Variants in MCC observed in about 807,000 individuals in gnomAD.
MCC encodes colorectal mutant cancer protein.
In MCC, 90 loss-of-function variants were observed where a neutral mutation model predicts 116.2. The observed-to-expected ratio is 0.77, with a 90% CI of 0.65 to 0.92. MCC has a LOEUF of 0.92. MCC is among the 40% of genes least tolerant of loss of function. The pLI, the probability that MCC is intolerant of heterozygous loss-of-function variation, is 0.00. For missense variants in MCC, 1,516 were observed against 1,312.2 expected (o/e 1.16, Z -2.40); for synonymous variants, 578 against 510.5 (o/e 1.13, Z -1.78).
chr5:113,204,800 T>G (rs925410800), intron 3 of MCC, among the ~76,000 whole-genome samples: 2 of 152,248 alleles, frequency 1.3e-5, no homozygotes, highest in East Asian at 1.9e-4. Context: ...ATTTGTCAGA[T>G]AGCAGACCTC....
rs191507838 is a variant in MCC, at chr5:113,319,925, A to G, written c.627+20594T>C. ...AACCCCAATGGCCATATGAGGCCCC[A>G]AAGTTATTTCTTAGCATAATTTTAT... On this transcript the variant is annotated intron_variant, in intron 3 of 18. Coordinates refer to ENST00000408903, the MANE Select transcript of MCC (RefSeq NM_001085377.2). 1.9e-3 allele frequency among the ~76,000 whole-genome samples: 287 copies of G among 152,308 alleles called. 4 individuals carry two copies. Among genetic ancestry groups the G allele is most frequent in the Non-Finnish European group, 2.7e-3 (181 of 68,032 alleles).
chr5:113,408,491 A>G (rs712685), intron 1 of MCC, among the ~76,000 whole-genome samples: 4,524 of 152,284 alleles, frequency 0.03, 99 homozygotes, highest in Middle Eastern at 0.051. Flanking sequence ...TTTACCTGAC[A>G]ATGAATTATC....
intron 3 of MCC, among the ~76,000 whole-genome samples, chr5:113,279,034 G>A (rs1446522254): frequency 1.3e-5 from 2 of 152,116 alleles, no homozygotes; most frequent in Admixed American, 1.3e-4. Context: ...GAATATAAAG[G>A]GAAAAGCCCA....
chr5:113,088,580 G>A (rs1250831685), intron 8 of MCC, among the ~76,000 whole-genome samples: 1 of 151,822 alleles, frequency 6.6e-6, no homozygotes, highest in Admixed American at 6.6e-5. Flanking sequence ...GAAAAGGAAG[G>A]GATATTTAAG....
At chr5:113,115,778 T>C (rs1757359631) in intron 6 of MCC, among the ~76,000 whole-genome samples, 1 of 152,298 alleles carries the variant, frequency 6.6e-6, no homozygotes, top group Non-Finnish European at 1.5e-5. Flanking sequence ...ATTTGACTAT[T>C]GATCACCTGA....
intron 3 of MCC, among the ~76,000 whole-genome samples, chr5:113,277,414 A>G (rs1183145667): frequency 2.6e-5 from 4 of 152,044 alleles, no homozygotes; most frequent in Admixed American, 1.3e-4. Flanking sequence ...GTAAAATACA[A>G]AATTTTTTGT....
intron 1 of MCC, among the ~76,000 whole-genome samples, chr5:113,476,637 T>A (rs892615350): frequency 6.6e-6 from 1 of 152,170 alleles, no homozygotes; most frequent in East Asian, 1.9e-4. Flanking sequence ...ACAAAGACTT[T>A]TTAGCGACAA....
intron 8 of MCC, among the ~76,000 whole-genome samples, chr5:113,099,049 C>T (rs3890776): frequency 0.46 from 69,861 of 151,684 alleles, 17,598 homozygotes; most frequent in African/African-American, 0.68. Context: ...GGGTGAGTGA[C>T]GGCTGGAAGA....
At chr5:113,310,505 T>C (rs1441847229) in intron 3 of MCC, among the ~76,000 whole-genome samples, 4 of 152,254 alleles carry the variant, frequency 2.6e-5, no homozygotes, top group African/African-American at 9.6e-5. Flanking sequence ...ATAAAGCCTA[T>C]GACATATGAG....
chr5:113,046,202 T>G (rs1054048094), intron 16 of MCC, among the ~76,000 whole-genome samples: 8 of 152,034 alleles, frequency 5.3e-5, no homozygotes, highest in African/African-American at 1.9e-4. Flanking sequence ...TTTCTTACTT[T>G]TTTTTTTTGA....
chr5:113,374,275 T>C (rs1327470154), intron 2 of MCC, among the ~76,000 whole-genome samples: 1 of 151,972 alleles, frequency 6.6e-6, no homozygotes, highest in Admixed American at 6.6e-5. Context: ...GTCTTTGCTA[T>C]GATCTTAACA....
chr5:113,098,435 C>T (rs116552158), intron 8 of MCC, among the ~76,000 whole-genome samples: 124 of 152,302 alleles, frequency 8.1e-4, no homozygotes, highest in Admixed American at 1.4e-3. Context: ...TGACCAATCA[C>T]GTTTGTGAAA....
intron 2 of MCC, among the ~76,000 whole-genome samples, chr5:113,370,139 T>C (rs1373881015): frequency 1.3e-5 from 2 of 152,154 alleles, no homozygotes; most frequent in Non-Finnish European, 2.9e-5. Flanking sequence ...AAACCTCTTA[T>C]TCTACACAGT....
chr5:113,179,477 A>G (rs1761502709), intron 3 of MCC, among the ~76,000 whole-genome samples: 1 of 152,204 alleles, frequency 6.6e-6, no homozygotes, highest in Non-Finnish European at 1.5e-5. Flanking sequence ...GGGAATGCAA[A>G]GGAAATTCTT....
At chr5:113,350,144 T>A (rs964669701) in intron 2 of MCC, among the ~76,000 whole-genome samples, 2 of 151,972 alleles carry the variant, frequency 1.3e-5, no homozygotes, top group African/African-American at 4.8e-5. Flanking sequence ...TTCAATGCAA[T>A]CCCTTTCAAA....
At chr5:113,067,229 G>A (rs1306183416) in intron 13 of MCC, among the ~76,000 whole-genome samples, 5 of 152,206 alleles carry the variant, frequency 3.3e-5, no homozygotes, top group African/African-American at 4.8e-5. Context: ...CGGGCTGGGG[G>A]AAGGACAGGC....
intron 3 of MCC, among the ~76,000 whole-genome samples, chr5:113,220,701 C>G (rs755278238): frequency 6.6e-6 from 1 of 152,094 alleles, no homozygotes; most frequent in Non-Finnish European, 1.5e-5. Context: ...CTTATTAGTC[C>G]TAACAAAACA....
chr5:113,250,932 A>G (rs965463042), intron 3 of MCC, among the ~76,000 whole-genome samples: 1 of 152,220 alleles, frequency 6.6e-6, no homozygotes, highest in Non-Finnish European at 1.5e-5. Flanking sequence ...CATCATTCCA[A>G]TAAACTGTCT....
rs1272984695 is a variant in MCC, at chr5:113,299,900, T to C, written c.627+40619A>G. ...GGTTCCTCTCCTTCCTGAGGCCTTG[T>C]CTTCTCTAAAGCCCAGTCTCTTCTC... On this transcript the variant is annotated intron_variant, in intron 3 of 18. Transcript: ENST00000408903. Among the ~76,000 whole-genome samples the C allele has an allele frequency of 2.6e-5, 4 of 152,174 alleles. 1 individual carries two copies. The highest frequency in any genetic ancestry group is 2.6e-4 in the Admixed American group (4 of 15,280).
Sources: gnomAD v4.1 joint callset for allele counts (sites outside exome capture counted in the v4.1 genomes callset) on GRCh38, gnomAD v4.1.1 for gene constraint, MANE v1.5 for transcripts, NCBI Gene and HGNC (gene_info 2026-07-23, HGNC 2026-07-21) for gene names.